Variants in CNTN3 observed in about 807,000 individuals in gnomAD.
CNTN3 encodes contactin 3, also known as contactin-3.
CNTN3 carries 60 observed loss-of-function variants against 119.1 expected under a neutral mutation model. The observed-to-expected ratio is 0.50, with a 90% CI of 0.41 to 0.62. CNTN3 has a LOEUF of 0.62. Among genes scored for constraint, CNTN3 ranks in the 20% least tolerant of loss-of-function variants. CNTN3 has a pLI of 0.00. For missense variants in CNTN3, 1,101 were observed against 1,242.4 expected, an observed-to-expected ratio of 0.89 and a Z score of 1.71; for synonymous variants, 450 against 438.7, an observed-to-expected ratio of 1.03 and a Z score of -0.32.
rs1344465434 is a variant in CNTN3, at chr3:74,582,401, G to C, written c.-81+31990C>G. 1.5e-4 allele frequency among the ~76,000 whole-genome samples: 6 copies of C among 39,056 alleles called. No individual in the cohort carries two copies. In the Admixed American group the frequency reaches 1.6e-3, roughly 10 times the overall value. The allele number at this position is 39,056 out of a possible 152,430, so 25.6% of individuals were successfully genotyped here. On this transcript the variant is annotated intron_variant, in intron 1 of 22. Transcript: ENST00000263665. ...AGCCCGGGCGACAGAGCGAGACTCC[G>C]TCTAAAAAAAAAAAAATCATTTAAA...
intron 1 of CNTN3, among the ~76,000 whole-genome samples, chr3:74,597,377 G>A (rs1408926886): frequency 6.6e-6 from 1 of 151,830 alleles, no homozygotes; most frequent in Admixed American, 6.6e-5. Context: ...CATGTTATCA[G>A]GCAGTTTTTT....
intron 11 of CNTN3, among the ~76,000 whole-genome samples, chr3:74,346,510 T>A (rs1445554906): frequency 6.6e-6 from 1 of 152,048 alleles, no homozygotes; most frequent in East Asian, 1.9e-4. Context: ...ACAAATAAGA[T>A]CACAAAGTGG....
chr3:74,305,922 C>T (rs547805682), intron 13 of CNTN3, among the ~76,000 whole-genome samples: 65 of 151,808 alleles, frequency 4.3e-4, no homozygotes, highest in African/African-American at 1.5e-3. Flanking sequence ...TCAATAGGGT[C>T]ATAGATGGGA....
At chr3:74,513,281 G>A (rs1703400155) in intron 2 of CNTN3, among the ~76,000 whole-genome samples, 1 of 152,132 alleles carries the variant, frequency 6.6e-6, no homozygotes, top group South Asian at 2.1e-4. Context: ...ATGTCCACAA[G>A]TGACACCAAT....
intron 19 of CNTN3, among the ~76,000 whole-genome samples, chr3:74,287,064 C>A (rs1702128486): frequency 6.6e-6 from 1 of 152,176 alleles, no homozygotes; most frequent in South Asian, 2.1e-4. Context: ...GTTGAATGAC[C>A]TGAACATAGT....
At chr3:74,607,056 C>G (rs73839611) in intron 1 of CNTN3, among the ~76,000 whole-genome samples, 1 of 152,214 alleles carries the variant, frequency 6.6e-6, no homozygotes, top group African/African-American at 2.4e-5. Flanking sequence ...AGCTTTTGAT[C>G]AGTTTTATTT....
chr3:74,528,949 A>C (rs1703657052), intron 1 of CNTN3, among the ~76,000 whole-genome samples: 1 of 151,914 alleles, frequency 6.6e-6, no homozygotes, highest in South Asian at 2.1e-4. Flanking sequence ...AAAATACTTC[A>C]AAGACACAGT....
intron 13 of CNTN3, among the ~76,000 whole-genome samples, chr3:74,313,668 T>G (rs1702757666): frequency 6.6e-6 from 1 of 152,050 alleles, no homozygotes; most frequent in African/African-American, 2.4e-5. Context: ...TATACACCAT[T>G]TTGAGGTTAC....
At chr3:74,547,621 G>T (rs1159641973) in intron 1 of CNTN3, among the ~76,000 whole-genome samples, 1 of 152,012 alleles carries the variant, frequency 6.6e-6, no homozygotes, top group Non-Finnish European at 1.5e-5. Context: ...TGAATTGCTG[G>T]TAGGTTTCCT....
intron 1 of CNTN3, among the ~76,000 whole-genome samples, chr3:74,558,610 T>C (rs918806346): frequency 3.3e-5 from 5 of 152,178 alleles, no homozygotes; most frequent in Non-Finnish European, 5.9e-5. Flanking sequence ...TGATCCACTA[T>C]TGACTATCTC....
chr3:74,588,327 C>A (rs1321584348), intron 1 of CNTN3, among the ~76,000 whole-genome samples: 4 of 151,950 alleles, frequency 2.6e-5, no homozygotes, highest in Non-Finnish European at 5.9e-5. Context: ...AAACAGAGAG[C>A]CAAATCATGA....
chr3:74,272,869 T>A, intron 20 of CNTN3, among the ~76,000 whole-genome samples: 1 of 152,320 alleles, frequency 6.6e-6, no homozygotes, highest in East Asian at 1.9e-4. Flanking sequence ...TACTTATTAT[T>A]ATTAAACTTA....
At chr3:74,568,026 C>T (rs933715649) in intron 1 of CNTN3, among the ~76,000 whole-genome samples, 12 of 152,094 alleles carry the variant, frequency 7.9e-5, no homozygotes, top group African/African-American at 2.7e-4. Context: ...AAGGCAGCCC[C>T]CACTTTTTCT....
intron 2 of CNTN3, among the ~76,000 whole-genome samples, chr3:74,501,799 A>AG (rs1303797790): frequency 1.3e-5 from 2 of 151,474 alleles, no homozygotes; most frequent in East Asian, 3.9e-4. Context: ...AGGAAAAAAA[A>AG]AAAGCTTCCG....
In CNTN3 at chr3:74,527,271, A is replaced by G. The variant is rs9864180; in HGVS notation, c.-80-6079T>C. Among the ~76,000 whole-genome samples the G allele has an allele frequency of 3.3e-4, 50 of 151,996 alleles. No homozygotes were observed. The East Asian group carries it at 6.4e-3, about 20-fold the overall frequency. On this transcript the variant is annotated intron_variant, in intron 1 of 22. Transcript: ENST00000263665. ...AAAAATTTGACAAATAAGTTTAAATAATGAGATTGTTTTTTATATGGTGAG... is the reference window on the plus strand; with the variant it reads ...AAAAATTTGACAAATAAGTTTAAATGATGAGATTGTTTTTTATATGGTGAG...
At chr3:74,535,455 T>A (rs932197617) in intron 1 of CNTN3, among the ~76,000 whole-genome samples, 5 of 152,046 alleles carry the variant, frequency 3.3e-5, no homozygotes, top group Non-Finnish European at 5.9e-5. Flanking sequence ...TTCACGATGA[T>A]AGCATAAAAC....
chr3:74,319,299 T>C (rs1281828589), intron 13 of CNTN3, among the ~76,000 whole-genome samples: 1 of 152,144 alleles, frequency 6.6e-6, no homozygotes, highest in Non-Finnish European at 1.5e-5. Flanking sequence ...AACAGCATGC[T>C]ACTGGTACCA....
At chr3:74,595,684 A>C (rs868249060) in intron 1 of CNTN3, among the ~76,000 whole-genome samples, 1 of 152,014 alleles carries the variant, frequency 6.6e-6, no homozygotes, top group Admixed American at 6.6e-5. Flanking sequence ...TTGATGGGAC[A>C]TATCTCAAAA....
At chr3:74,477,010 C>A (rs1029011123) in intron 4 of CNTN3, among the ~76,000 whole-genome samples, 10 of 151,990 alleles carry the variant, frequency 6.6e-5, no homozygotes, top group African/African-American at 2.2e-4. Flanking sequence ...GGGGGATAAG[C>A]AAAAGTGGAA....
Sources: gnomAD v4.1 joint callset for allele counts (sites outside exome capture counted in the v4.1 genomes callset) on GRCh38, gnomAD v4.1.1 for gene constraint, MANE v1.5 for transcripts, NCBI Gene and HGNC (gene_info 2026-07-23, HGNC 2026-07-21) for gene names.